NIPSNAP3A: variants seen among roughly 807,000 people sequenced by gnomAD.
The protein encoded by NIPSNAP3A is protein NipSnap homolog 3A.
In NIPSNAP3A, 27 loss-of-function variants were observed where a neutral mutation model predicts 32.3. The ratio of observed to expected loss-of-function variants is 0.84; its 90% confidence interval spans 0.62 to 1.15. The LOEUF is 1.15. Among genes scored for constraint, NIPSNAP3A ranks in the 50% most tolerant of loss-of-function variants. NIPSNAP3A has a pLI of 0.00. For synonymous variants in NIPSNAP3A, 108 were observed against 107.3 expected, an observed-to-expected ratio of 1.01 and a Z score of -0.04; for missense variants, 278 against 297.2, an observed-to-expected ratio of 0.94 and a Z score of 0.48.
intron 1 of NIPSNAP3A, among the ~76,000 whole-genome samples, chr9:104,748,260 C>A (rs995614110): frequency 3.9e-5 from 6 of 152,242 alleles, no homozygotes; most frequent in Admixed American, 1.3e-4. Context: ...GCTTTCCAAG[C>A]CACCGCCCTC....
At chr9:104,751,780 ACTC>A (rs1226337041) in intron 2 of NIPSNAP3A, among the ~76,000 whole-genome samples, 5 of 152,028 alleles carry the variant, frequency 3.3e-5, no homozygotes, top group Non-Finnish European at 7.4e-5. Flanking sequence ...CTGTCATACT[ACTC>A]TAGGGAGGTA....
chr9:104,750,132 C>G (rs1461464969), intron 1 of NIPSNAP3A, among the ~76,000 whole-genome samples: 1 of 152,010 alleles, frequency 6.6e-6, no homozygotes, highest in African/African-American at 2.4e-5. Context: ...TTCATTATGC[C>G]TGCCAAAAGT....
chr9:104,755,960 A>G (rs1158719523), intron 4 of NIPSNAP3A, among the ~76,000 whole-genome samples: 1 of 152,118 alleles, frequency 6.6e-6, no homozygotes, highest in Non-Finnish European at 1.5e-5. Context: ...AATGTCTAAG[A>G]ATAGCTAACA....
chr9:104,758,143 T>C (rs542189304), intron 4 of NIPSNAP3A, among the ~76,000 whole-genome samples: 33 of 152,178 alleles, frequency 2.2e-4, no homozygotes, highest in African/African-American at 7.7e-4. Flanking sequence ...TAGTCAACAA[T>C]AAGGGGTTGA....
chr9:104,753,339 G>T (rs1368521967), intron 3 of NIPSNAP3A, among the ~76,000 whole-genome samples: 2 of 152,316 alleles, frequency 1.3e-5, no homozygotes, highest in East Asian at 3.9e-4. Context: ...AGTAGAGGTT[G>T]AGAATTTGTG....
intron 4 of NIPSNAP3A, among the ~76,000 whole-genome samples, chr9:104,755,098 A>C (rs1322050572): frequency 6.6e-6 from 1 of 152,030 alleles, no homozygotes; most frequent in Non-Finnish European, 1.5e-5. Context: ...CAAATTAGCC[A>C]GGCATGGTGG....
At chr9:104,749,683 G>C (rs995465312) in intron 1 of NIPSNAP3A, among the ~76,000 whole-genome samples, 1 of 152,148 alleles carries the variant, frequency 6.6e-6, no homozygotes, top group Non-Finnish European at 1.5e-5. Flanking sequence ...ATGTGTGTGT[G>C]TATGTGTATA....
At position 104,750,961 on chromosome 9, in the gene NIPSNAP3A, C is replaced by T; in HGVS notation, c.66C>T (p.Cys22=). 8.7e-6 allele frequency: 14 copies of T among 1,610,296 alleles called. No individual in the cohort carries two copies. The highest frequency in any genetic ancestry group is 1.2e-5 in the Non-Finnish European group (14 of 1,176,532). ...ATTTGTCTTATCTTCTTCAGATGTG[C>T]TCATCTTTTGCTACGGGACCCAGAC... ...LASRTLAPQM[C]SSFATGPRQY... is the part of the protein sequence containing the mutation. The change falls in exon 2 of 6, where the codon TGC becomes TGT. Residue 22 remains cysteine, a synonymous_variant. Coordinates refer to ENST00000374767, the MANE Select transcript of NIPSNAP3A (RefSeq NM_015469.3).
rs143281922 is a variant in NIPSNAP3A, at chr9:104,754,733, G to A, written c.580+33G>A. On this transcript the variant is annotated intron_variant, in intron 4 of 5. Coordinates refer to ENST00000374767, the MANE Select transcript of NIPSNAP3A (RefSeq NM_015469.3). ...TGTCCATTTCTTCTTATATGAAATTGTAATATATATTGTGACCTAAGTTCC... is the reference window on the plus strand; with the variant it reads ...TGTCCATTTCTTCTTATATGAAATTATAATATATATTGTGACCTAAGTTCC... 1.4e-3 allele frequency: 2,206 copies of A among 1,578,216 alleles called. 30 individuals carry two copies. In the African/African-American group the frequency reaches 0.027, roughly 20 times the overall value.
At chr9:104,756,596 G>A (rs1827908862) in intron 4 of NIPSNAP3A, among the ~76,000 whole-genome samples, 1 of 152,078 alleles carries the variant, frequency 6.6e-6, no homozygotes, top group South Asian at 2.1e-4. Flanking sequence ...CTCAGATACT[G>A]TGTAGGGTTC....
In NIPSNAP3A at chr9:104,754,628, C is replaced by G. The variant is rs1347167233; in HGVS notation, c.508C>G (p.His170Asp). The change falls in exon 4 of 6, where the codon CAT becomes GAT. Residue 170 changes from histidine to aspartate, a missense_variant. Transcript: ENST00000374767. ...GGGTGATGCATTTAAAAGGGCAGTT[C>G]ATGCTCATGTCAATCTAGGCTACAC... ...LWGDAFKRAV[H>D]AHVNLGYTKL... is the part of the protein sequence containing the mutation. 1.2e-6 allele frequency: 2 copies of G among 1,613,958 alleles called. No homozygotes were observed. Among genetic ancestry groups the G allele is most frequent in the Admixed American group, 3.3e-5 (2 of 60,022 alleles).
Position 104,759,825 on chromosome 9 carries a change from G to C in NIPSNAP3A, c.*487G>C, listed in dbSNP as rs115099467. On this transcript the variant is annotated 3_prime_UTR_variant, in exon 6 of 6. Transcript: ENST00000374767. ...CCAAATAGGATTTAAGAAAATTAACGTATTTCTTTACTATGGAAAACCACA... is the reference window on the plus strand; with the variant it reads ...CCAAATAGGATTTAAGAAAATTAACCTATTTCTTTACTATGGAAAACCACA... The C allele has an allele frequency of 5.6e-3, 868 of 155,352 alleles. 9 individuals are homozygous for C. Among genetic ancestry groups the C allele is most frequent in the African/African-American group, 0.02 (811 of 41,510 alleles). The allele number at this position is 155,352 out of a possible 1,614,324, so 9.6% of individuals were successfully genotyped here. A position where few individuals can be genotyped will look rare whatever the true frequency, so the allele number is the denominator to read the frequency against.
chr9:104,753,187 C>A, intron 3 of NIPSNAP3A, 123 bp downstream of exon 3: 1 of 796,808 alleles, frequency 1.3e-6, no homozygotes, highest in Non-Finnish European at 2.1e-6. Context: ...TAGAAACATA[C>A]AGTGATTGTT....
At position 104,751,118 on chromosome 9, in the gene NIPSNAP3A, G is replaced by T. The variant is rs1304667454; in HGVS notation, c.223G>T (p.Val75Leu). 1 of 1,614,024 alleles carries T rather than the reference G, an allele frequency of 6.2e-7. No individual in the cohort carries two copies. Among genetic ancestry groups the T allele is most frequent in the Non-Finnish European group, 8.5e-7 (1 of 1,179,928 alleles). Residue 75 changes from valine (V) to leucine (L), a missense_variant, in exon 2 of 6, where the codon GTA becomes TTA. Physicochemically the swap from Val to Leu is conservative, Grantham distance 32. Coordinates refer to ENST00000374767, the MANE Select transcript of NIPSNAP3A (RefSeq NM_015469.3). ...AHSELVGYWS[V>L]EFGGRMNTVF... ...CTCTGAATTGGTTGGATACTGGAGTGTAGAATTTGGAGGCAGAATGAATAC... is the reference window on the plus strand; with the variant it reads ...CTCTGAATTGGTTGGATACTGGAGTTTAGAATTTGGAGGCAGAATGAATAC...
Position 104,759,186 on chromosome 9 carries a change from T to G in NIPSNAP3A, c.667+15T>G. ...TGTGGCAGCTGGTAAGCTGTTTGAC[T>G]AGGCATGAATTATTTTTAGAACAAA... On this transcript the variant is annotated intron_variant, in intron 5 of 5. Transcript: ENST00000374767. The G allele has an allele frequency of 6.2e-7, 1 of 1,613,810 alleles. No homozygotes were observed. Among genetic ancestry groups the G allele is most frequent in the East Asian group, 2.2e-5 (1 of 44,876 alleles).
intron 4 of NIPSNAP3A, among the ~76,000 whole-genome samples, chr9:104,757,808 T>A (rs568621579): frequency 8.5e-5 from 13 of 152,134 alleles, no homozygotes; most frequent in African/African-American, 3.1e-4. Context: ...TCCCAACACT[T>A]TGGGATGCCA....
rs1335396356 is a variant in NIPSNAP3A at position 104,747,693 on chromosome 9, T to C, written c.-100T>C. 2 of 1,264,134 alleles carry C rather than the reference T, an allele frequency of 1.6e-6. No individual in the cohort carries two copies. Among genetic ancestry groups the C allele is most frequent in the Non-Finnish European group, 2.2e-6 (2 of 890,290 alleles). The allele number at this position is 1,264,134 out of a possible 1,614,324, so 78.3% of individuals were successfully genotyped here. On this transcript the variant is annotated 5_prime_UTR_variant, in exon 1 of 6. Transcript: ENST00000374767. ...GCCGAGCCCCGCCCCAGCCTGCGTC[T>C]GCCAATGATCCAGGAGCCGCTCCTT... is the stretch of plus-strand genomic sequence containing the variant.
chr9:104,757,201 G>C (rs191925598), intron 4 of NIPSNAP3A, among the ~76,000 whole-genome samples: 31 of 152,166 alleles, frequency 2.0e-4, no homozygotes, highest in Non-Finnish European at 1.5e-4. Flanking sequence ...TCAGTGTTAG[G>C]AGAATTGGTA....
chr9:104,747,714 T>A lies in NIPSNAP3A; in HGVS notation c.-79T>A. The A allele has an allele frequency of 7.0e-7, 1 of 1,429,086 alleles. No homozygotes were observed. The highest frequency in any genetic ancestry group is 9.7e-7 in the Non-Finnish European group (1 of 1,035,904). 88.5% of individuals were successfully genotyped at this position (1,429,086 alleles called of 1,614,324 possible). On this transcript the variant is annotated 5_prime_UTR_variant, in exon 1 of 6. Transcript: ENST00000374767. ...CGTCTGCCAATGATCCAGGAGCCGC[T>A]CCTTTCCACTCGGGAAACCTTCAGA...
Sources: allele counts gnomAD v4.1 joint callset (sites outside exome capture counted in the v4.1 genomes callset), GRCh38; gene constraint gnomAD v4.1.1; transcripts MANE v1.5; gene names NCBI Gene and HGNC (gene_info 2026-07-23, HGNC 2026-07-21).